Variants in STPG2 observed in about 807,000 individuals in gnomAD.
STPG2 encodes the protein sperm tail PG-rich repeat containing 2.
STPG2 carries 56 observed loss-of-function variants against 54.2 expected under a neutral mutation model. The ratio of observed to expected loss-of-function variants is 1.03; its 90% CI spans 0.83 to 1.29. The LOEUF is 1.29. Ranked by LOEUF, STPG2 falls within the 50% of genes most tolerant of loss-of-function variation. The pLI, the probability that STPG2 is intolerant of heterozygous loss-of-function variation, is 0.00. For synonymous variants in STPG2, 200 were observed against 181.8 expected (o/e 1.10, Z -0.81); for missense variants, 596 against 544.9 (o/e 1.09, Z -0.93).
At chr4:98,120,643 T>TA (rs1347394089) in intron 3 of STPG2, among the ~76,000 whole-genome samples, 4 of 152,236 alleles carry the variant, frequency 2.6e-5, no homozygotes, top group African/African-American at 9.6e-5. Flanking sequence ...TGGTTTTGGT[T>TA]TGCATTCCTC....
intron 9 of STPG2, among the ~76,000 whole-genome samples, chr4:97,771,546 C>T (rs1421907578): frequency 6.6e-6 from 1 of 152,096 alleles, no homozygotes; most frequent in East Asian, 1.9e-4. Flanking sequence ...AGAGGAGACA[C>T]AGGTGGGACA....
chr4:97,863,787 G>T (rs556702843), intron 8 of STPG2, among the ~76,000 whole-genome samples: 5 of 152,274 alleles, frequency 3.3e-5, no homozygotes, highest in South Asian at 2.1e-4. Flanking sequence ...TGCAAGGCTG[G>T]TTCAACATAC....
chr4:97,970,480 G>T lies in STPG2; in HGVS notation c.933+1800C>A, dbSNP rs536984868. ...AACAGAAATACAGACCAATGGAACA[G>T]AACAGAGCCCTCAGAAATAACACCA... On this transcript the variant is annotated intron_variant, in intron 7 of 10. Coordinates refer to ENST00000295268, the MANE Select transcript of STPG2 (RefSeq NM_174952.3). Among the ~76,000 whole-genome samples the T allele has an allele frequency of 2.6e-5, 4 of 152,262 alleles. No homozygotes were observed. In the South Asian group the frequency reaches 8.3e-4, roughly 32 times the overall value.
intron 10 of STPG2, among the ~76,000 whole-genome samples, chr4:97,685,292 T>A (rs983466196): frequency 1.3e-5 from 2 of 152,126 alleles, no homozygotes; most frequent in African/African-American, 4.8e-5. Context: ...TATTCATAAT[T>A]GTCAAAATTG....
chr4:98,135,503 T>C (rs1740111897), intron 1 of STPG2, among the ~76,000 whole-genome samples: 1 of 151,652 alleles, frequency 6.6e-6, no homozygotes, highest in African/African-American at 2.4e-5. Context: ...AGGAAAAACA[T>C]CTCTAATGCC....
intron 4 of STPG2, among the ~76,000 whole-genome samples, chr4:97,497,503 T>C (rs903032737): frequency 3.3e-5 from 5 of 151,878 alleles, no homozygotes; most frequent in African/African-American, 1.2e-4. Context: ...AATCTCCCAA[T>C]TAGTAGAGAA....
At chr4:97,541,536 C>T (rs2148861947) in intron 4 of STPG2, among the ~76,000 whole-genome samples, 1 of 152,214 alleles carries the variant, frequency 6.6e-6, no homozygotes, top group African/African-American at 2.4e-5. Context: ...GTGAAAATGG[C>T]CATACTGCCC....
At position 97,586,667 on chromosome 4, in the gene STPG2, T is replaced by A. The variant is rs138366988; in HGVS notation, c.1321-27550A>T. Among the ~76,000 whole-genome samples the A allele has an allele frequency of 9.7e-3, 1,468 of 152,032 alleles. 26 individuals carry two copies. Among genetic ancestry groups the A allele is most frequent in the African/African-American group, 0.034 (1,399 of 41,522 alleles). Reference sequence around the variant, plus strand: ...CAAAGGATGCCAGAAAGAAATAGAATAATGTTTTTAAAGTATTGAAAGGAA... The same window carrying A: ...CAAAGGATGCCAGAAAGAAATAGAAAAATGTTTTTAAAGTATTGAAAGGAA... On this transcript the variant is annotated intron_variant, in intron 10 of 10. Transcript: ENST00000295268.
At chr4:97,749,658 A>T (rs1725524751) in intron 9 of STPG2, among the ~76,000 whole-genome samples, 1 of 151,816 alleles carries the variant, frequency 6.6e-6, no homozygotes, top group Non-Finnish European at 1.5e-5. Context: ...TCCTGTGTAC[A>T]GTTATTAATA....
intron 10 of STPG2, among the ~76,000 whole-genome samples, chr4:97,569,213 C>T (rs1256777119): frequency 6.6e-6 from 1 of 152,090 alleles, no homozygotes; most frequent in Admixed American, 6.6e-5. Flanking sequence ...CCTTTTAAGA[C>T]CACATAGGTA....
At chr4:97,553,633 G>C (rs1357765105) in intron 4 of STPG2, among the ~76,000 whole-genome samples, 1 of 152,112 alleles carries the variant, frequency 6.6e-6, no homozygotes, top group Admixed American at 6.6e-5. Flanking sequence ...CACCTAACTG[G>C]GGTCAAATTT....
intron 4 of STPG2, among the ~76,000 whole-genome samples, chr4:97,530,663 A>G (rs1731394396): frequency 6.6e-6 from 1 of 152,244 alleles, no homozygotes; most frequent in Non-Finnish European, 1.5e-5. Context: ...TGAAAAGAAA[A>G]GCACTGTTAC....
intron 4 of STPG2, among the ~76,000 whole-genome samples, chr4:97,521,573 CAAT>C (rs1261803908): frequency 3.3e-5 from 5 of 151,980 alleles, no homozygotes; most frequent in Admixed American, 1.3e-4. Context: ...GTACTAACAA[CAAT>C]GATAATGAAG....
chr4:97,909,010 T>TATAATAATAATA (rs56703020), intron 8 of STPG2, among the ~76,000 whole-genome samples: 28 of 143,196 alleles, frequency 2.0e-4, no homozygotes, highest in East Asian at 1.2e-3. Flanking sequence ...AAACTTAAAG[T>TATAATAATAATA]ATAATAATAA....
chr4:97,959,430 G>A (rs896999380), intron 7 of STPG2, among the ~76,000 whole-genome samples: 1 of 151,624 alleles, frequency 6.6e-6, no homozygotes, highest in Non-Finnish European at 1.5e-5. Flanking sequence ...AAAGAAAAAA[G>A]ATAAATAAAA....
intron 9 of STPG2, among the ~76,000 whole-genome samples, chr4:97,780,177 A>G (rs959013476): frequency 1.0e-5 from 1 of 99,626 alleles, no homozygotes; most frequent in African/African-American, 3.9e-5. Flanking sequence ...TGCTGTATTC[A>G]GGACACCCAT....
intron 5 of STPG2, among the ~76,000 whole-genome samples, chr4:98,044,858 G>A (rs2149309586): frequency 6.6e-6 from 1 of 152,242 alleles, no homozygotes; most frequent in South Asian, 2.1e-4. Context: ...TGACAAGTGA[G>A]GCAAGGGTTG....
At chr4:98,005,142 AAAG>A (rs1269223069) in intron 5 of STPG2, among the ~76,000 whole-genome samples, 5 of 152,134 alleles carry the variant, frequency 3.3e-5, no homozygotes, top group African/African-American at 1.2e-4. Context: ...AGCACATGAG[AAAG>A]AAGAAGGCCA....
At chr4:98,092,940 C>T (rs1282417761) in intron 5 of STPG2, among the ~76,000 whole-genome samples, 1 of 152,032 alleles carries the variant, frequency 6.6e-6, no homozygotes, top group Non-Finnish European at 1.5e-5. Context: ...GGCAAATTTT[C>T]GTATCTTGCC....
Sources: allele counts gnomAD v4.1 joint callset (sites outside exome capture counted in the v4.1 genomes callset), GRCh38; gene constraint gnomAD v4.1.1; transcripts MANE v1.5; gene names NCBI Gene and HGNC (gene_info 2026-07-23, HGNC 2026-07-21).